Variants in ANK2 observed in about 807,000 individuals in gnomAD.
The protein encoded by ANK2 is ankyrin 2.
A neutral mutation model predicts 360.5 loss-of-function variants in ANK2; 83 were observed. The ratio of observed to expected loss-of-function variants is 0.23; its 90% CI spans 0.19 to 0.28. The LOEUF is 0.28. Among genes scored for constraint, ANK2 ranks in the 10% least tolerant of loss-of-function variants. ANK2 has a pLI of 1.00. For missense variants in ANK2, 4,201 were observed against 4,795.7 expected (o/e 0.88, Z 3.66); for synonymous variants, 1,740 against 1,759.5 (o/e 0.99, Z 0.28).
intron 13 of ANK2, 38 bp downstream of exon 13, chr4:113,258,449 A>T: frequency 3.8e-6 from 6 of 1,568,458 alleles, no homozygotes; most frequent in Non-Finnish European, 5.3e-6. Context: ...CCAGGGAGGA[A>T]GAGCGAGAGG....
chr4:113,118,206 A>T (rs1052643514), intron 1 of ANK2, among the ~76,000 whole-genome samples: 2 of 152,200 alleles, frequency 1.3e-5, no homozygotes, highest in Non-Finnish European at 2.9e-5. Flanking sequence ...AGTGATCTAG[A>T]TCTATAAAGA....
At chr4:112,955,435 T>C (rs1231623947) in intron 2 of ANK2, among the ~76,000 whole-genome samples, 2 of 152,144 alleles carry the variant, frequency 1.3e-5, no homozygotes, top group Non-Finnish European at 2.9e-5. Flanking sequence ...CCATTTGGCA[T>C]GTAGATATGA....
the ANK2 span, among the ~76,000 whole-genome samples, chr4:112,725,151 G>A: frequency 2.0e-5 from 3 of 151,026 alleles, no homozygotes; most frequent in South Asian, 2.1e-4. Context: ...CCATGGTGGC[G>A]GGCGCCTGTA....
chr4:112,772,370 A>G, the ANK2 span, among the ~76,000 whole-genome samples: 1 of 152,176 alleles, frequency 6.6e-6, no homozygotes, highest in African/African-American at 2.4e-5. Flanking sequence ...TCATGATTCA[A>G]TTATCTTCCA....
chr4:113,074,311 C>G (rs1200601841), intron 1 of ANK2, among the ~76,000 whole-genome samples: 1 of 152,162 alleles, frequency 6.6e-6, no homozygotes, highest in Non-Finnish European at 1.5e-5. Context: ...TCTAAGACAG[C>G]AATTCTCAAC....
At chr4:113,341,158 G>T (rs962528338) in intron 32 of ANK2, among the ~76,000 whole-genome samples, 1 of 152,190 alleles carries the variant, frequency 6.6e-6, no homozygotes, top group African/African-American at 2.4e-5. Context: ...TTTTTAAAAT[G>T]GTTGGGTTGA....
chr4:113,274,104 G>A (rs1037049850), intron 14 of ANK2, among the ~76,000 whole-genome samples: 16 of 152,178 alleles, frequency 1.1e-4, no homozygotes, highest in Admixed American at 2.0e-4. Flanking sequence ...TGAGAATATA[G>A]GTCCTAGGAC....
chr4:113,217,631 G>T (rs2099100388), intron 4 of ANK2, among the ~76,000 whole-genome samples: 1 of 152,192 alleles, frequency 6.6e-6, no homozygotes, highest in Admixed American at 6.5e-5. Context: ...TTCATGAGAG[G>T]GTTCGTGCAC....
intron 28 of ANK2, 71 bp from the exon 29 acceptor site, chr4:113,332,983 C>A: frequency 6.2e-7 from 1 of 1,605,946 alleles, no homozygotes; most frequent in Non-Finnish European, 8.5e-7. Flanking sequence ...CACTTTGCAA[C>A]AGAGTCGAGG....
chr4:112,941,955 TATA>T (rs2094255113), intron 2 of ANK2, among the ~76,000 whole-genome samples: 1 of 151,384 alleles, frequency 6.6e-6, no homozygotes, highest in African/African-American at 2.4e-5. Context: ...AAATAATACT[TATA>T]ATATTTATAA....
the ANK2 span, among the ~76,000 whole-genome samples, chr4:112,713,092 A>C: frequency 6.6e-6 from 1 of 152,356 alleles, no homozygotes; most frequent in African/African-American, 2.4e-5. Context: ...AGAATGTCAG[A>C]TAAATGAAAT....
chr4:113,042,103 C>T (rs571550546), intron 2 of ANK2, among the ~76,000 whole-genome samples: 3 of 152,140 alleles, frequency 2.0e-5, no homozygotes, highest in Admixed American at 6.6e-5. Context: ...AAGATTCACC[C>T]TCACCGATGT....
the ANK2 span, among the ~76,000 whole-genome samples, chr4:112,722,554 T>G: frequency 6.6e-6 from 1 of 152,330 alleles, no homozygotes; most frequent in Admixed American, 6.5e-5. Context: ...ATCCTTCTAC[T>G]TTGCCATCCT....
chr4:112,732,264 T>C, the ANK2 span, among the ~76,000 whole-genome samples: 126 of 148,968 alleles, frequency 8.5e-4, no homozygotes, highest in East Asian at 0.021. Flanking sequence ...TTTTTTTTTT[T>C]CAAGAAACAG....
At chr4:112,828,748 G>C (rs2059010848) in intron 1 of ANK2, among the ~76,000 whole-genome samples, 1 of 152,190 alleles carries the variant, frequency 6.6e-6, no homozygotes, top group Non-Finnish European at 1.5e-5. Flanking sequence ...ACAACCTCCA[G>C]AATGGAGGTT....
chr4:113,293,755 T>C (rs1483950787), intron 22 of ANK2, among the ~76,000 whole-genome samples: 2 of 152,276 alleles, frequency 1.3e-5, no homozygotes, highest in African/African-American at 4.8e-5. Flanking sequence ...CATCTATCCC[T>C]ATAAAAATGT....
chr4:112,997,116 A>G (rs2048829148), intron 2 of ANK2, among the ~76,000 whole-genome samples: 2 of 151,890 alleles, frequency 1.3e-5, no homozygotes. Context: ...ATGTCACTCT[A>G]TTTTTTAAAT....
chr4:113,126,198 A>G (rs2095649965), intron 1 of ANK2, among the ~76,000 whole-genome samples: 1 of 152,204 alleles, frequency 6.6e-6, no homozygotes, highest in Non-Finnish European at 1.5e-5. Flanking sequence ...TCACAGAGAA[A>G]TATCATCATT....
the ANK2 span, among the ~76,000 whole-genome samples, chr4:112,790,278 T>C: frequency 6.6e-6 from 1 of 152,224 alleles, no homozygotes; most frequent in African/African-American, 2.4e-5. Flanking sequence ...GTGGATTCTT[T>C]GTTTATTAAA....
Sources: allele counts gnomAD v4.1 joint callset (sites outside exome capture counted in the v4.1 genomes callset), GRCh38; gene constraint gnomAD v4.1.1; transcripts MANE v1.5; gene names NCBI Gene and HGNC (gene_info 2026-07-23, HGNC 2026-07-21).